Variants in DNAH11 observed in about 807,000 individuals in gnomAD.
DNAH11 encodes axonemal beta dynein heavy chain 11.
In DNAH11, 442 loss-of-function variants were observed where a neutral mutation model predicts 526.0. The observed-to-expected ratio is 0.84, with a 90% CI of 0.78 to 0.91. DNAH11 has a LOEUF of 0.91. Among genes scored for constraint, DNAH11 ranks in the 40% least tolerant of loss-of-function variants. The pLI is 0.00. For synonymous variants in DNAH11, 2,461 were observed against 1,935.9 expected, an observed-to-expected ratio of 1.27 and a Z score of -7.12; for missense variants, 6,989 against 5,448.7, an observed-to-expected ratio of 1.28 and a Z score of -8.90.
At chr7:21,691,167 ATTTTTTTTTTCTTTT>A (rs1783603204) in intron 35 of DNAH11, among the ~76,000 whole-genome samples, 2 of 121,862 alleles carry the variant, frequency 1.6e-5, no homozygotes, top group East Asian at 2.7e-4. Flanking sequence ...ATCTTTCATA[ATTTTTTTTTTCTTTT>A]TTTTTTTTTA....
rs1782655341 is a variant in DNAH11 at position 21,543,305 on chromosome 7, C to T, written c.60C>T (p.Arg20=). Residue 20 remains arginine, a synonymous_variant, in exon 1 of 82, where the codon CGC becomes CGT. Transcript: ENST00000409508. Reference sequence around the variant, plus strand: ...ACTTCAGAGAAGCCCCGACCCTTCGCCTAACCTCGGGGGCCGGCCTGGAGG... The same window carrying T: ...ACTTCAGAGAAGCCCCGACCCTTCGTCTAACCTCGGGGGCCGGCCTGGAGG... The part of the protein sequence containing the change: ...ARDFREAPTL[R]LTSGAGLEAV... 2 of 1,549,318 alleles carry T rather than the reference C, an allele frequency of 1.3e-6. No individual in the cohort carries two copies. The highest frequency in any genetic ancestry group is 1.7e-6 in the Non-Finnish European group (2 of 1,146,172).
intron 61 of DNAH11, among the ~76,000 whole-genome samples, chr7:21,790,390 CA>C (rs199719449): frequency 0.014 from 2,110 of 152,202 alleles, 38 homozygotes; most frequent in African/African-American, 0.043. Context: ...GTGGAGCTTG[CA>C]GTGAGCCAAG....
At chr7:21,801,357 CTAAA>C (rs1356718010) in intron 62 of DNAH11, 82 bp downstream of exon 62, 1 of 1,525,894 alleles carries the variant, frequency 6.6e-7, no homozygotes, top group East Asian at 2.3e-5. Flanking sequence ...TCAATAATAA[CTAAA>C]TAGACATGGA....
rs34356379 is a variant in DNAH11 at position 21,612,554 on chromosome 7, C to CAAAAAAAAAAAAAAAA, written c.3853-2553_3853-2538dup. ...TGGGCGACAGAGTGAGGCTCCGTCTCAAAAAAAAAAAAAAAAAAAAAAGAG... is the reference window on the plus strand; with the variant it reads ...TGGGCGACAGAGTGAGGCTCCGTCTCAAAAAAAAAAAAAAAAAAAAAAAAAAAAAAAAAAAAAAGAG... On this transcript the variant is annotated intron_variant, in intron 20 of 81. Coordinates refer to ENST00000409508, the MANE Select transcript of DNAH11 (RefSeq NM_001277115.2). 1.2e-3 allele frequency among the ~76,000 whole-genome samples: 101 copies of CAAAAAAAAAAAAAAAA among 81,218 alleles called. 1 individual carries two copies. The highest frequency in any genetic ancestry group is 7.2e-3 in the South Asian group (15 of 2,080). 53.3% of individuals were successfully genotyped at this position (81,218 alleles called of 152,430 possible). A position where few individuals can be genotyped will look rare whatever the true frequency, so the allele number is the denominator to read the frequency against.
chr7:21,688,791 A>C (rs1783492173), intron 34 of DNAH11, among the ~76,000 whole-genome samples: 1 of 151,788 alleles, frequency 6.6e-6, no homozygotes, highest in Non-Finnish European at 1.5e-5. Context: ...CCAAAAAGCA[A>C]AACACAGCTG....
At chr7:21,792,599 A>C (rs915431133) in intron 61 of DNAH11, among the ~76,000 whole-genome samples, 1 of 151,892 alleles carries the variant, frequency 6.6e-6, no homozygotes, top group Non-Finnish European at 1.5e-5. Flanking sequence ...CGGGTTTTCT[A>C]TTTCTTCATG....
intron 57 of DNAH11, among the ~76,000 whole-genome samples, chr7:21,780,020 ATTTTCT>A (rs1163259398): frequency 1.3e-5 from 1 of 78,684 alleles, no homozygotes; most frequent in Non-Finnish European, 2.8e-5. Context: ...AATTGAGTTG[ATTTTCT>A]TTTTTTTTTT....
chr7:21,628,563 C>T (rs1425057377), intron 25 of DNAH11, among the ~76,000 whole-genome samples: 1 of 152,074 alleles, frequency 6.6e-6, no homozygotes, highest in Middle Eastern at 3.4e-3. Context: ...GGTTTTTCTT[C>T]TTGGTTCTAT....
intron 2 of DNAH11, among the ~76,000 whole-genome samples, chr7:21,552,415 T>A (rs1783056753): frequency 6.6e-6 from 1 of 152,206 alleles, no homozygotes; most frequent in Non-Finnish European, 1.5e-5. Context: ...TTCCCAATAT[T>A]CTTTCCGGGT....
At chr7:21,721,507 C>T (rs999450407) in intron 44 of DNAH11, among the ~76,000 whole-genome samples, 2 of 152,180 alleles carry the variant, frequency 1.3e-5, no homozygotes, top group Non-Finnish European at 1.5e-5. Context: ...TTCTGGGGAC[C>T]AAAAGTCCAA....
intron 2 of DNAH11, among the ~76,000 whole-genome samples, chr7:21,548,884 C>CTT (rs201226653): frequency 0.026 from 3,724 of 145,618 alleles, 76 homozygotes; most frequent in Non-Finnish European, 0.042. Context: ...CAATGACAGA[C>CTT]TTTTTTTTTT....
intron 60 of DNAH11, 88 bp from the exon 61 acceptor site, chr7:21,789,153 A>G (rs1788321507): frequency 1.6e-5 from 15 of 963,294 alleles, no homozygotes; most frequent in Non-Finnish European, 2.2e-5. Context: ...TAGATGAATT[A>G]GAGATTTTAA....
At chr7:21,576,861 A>G (rs1337451803) in intron 8 of DNAH11, among the ~76,000 whole-genome samples, 1 of 152,200 alleles carries the variant, frequency 6.6e-6, no homozygotes, top group African/African-American at 2.4e-5. Context: ...ACTTTGGGGT[A>G]GTGGTTTTCT....
intron 63 of DNAH11, among the ~76,000 whole-genome samples, chr7:21,809,025 A>G (rs1789394560): frequency 6.6e-6 from 1 of 152,112 alleles, no homozygotes; most frequent in African/African-American, 2.4e-5. Context: ...CCTTTTCTCT[A>G]CATCCTCACC....
At chr7:21,827,654 T>A (rs1790364057) in intron 65 of DNAH11, among the ~76,000 whole-genome samples, 1 of 121,538 alleles carries the variant, frequency 8.2e-6, no homozygotes, top group African/African-American at 3.6e-5. Flanking sequence ...TTTAAAAAAT[T>A]TATTTTTACA....
At chr7:21,641,314 G>A (rs879816274) in intron 28 of DNAH11, among the ~76,000 whole-genome samples, 25 of 152,110 alleles carry the variant, frequency 1.6e-4, no homozygotes, top group South Asian at 4.1e-4. Flanking sequence ...TGGCCTCCCC[G>A]TCGTGGCTGA....
At chr7:21,552,140 G>A (rs754815919) in intron 2 of DNAH11, among the ~76,000 whole-genome samples, 1 of 152,118 alleles carries the variant, frequency 6.6e-6, no homozygotes, top group South Asian at 2.1e-4. Context: ...CCCAAGGGCC[G>A]CGCCCTGGTC....
At chr7:21,719,323 T>C (rs1320913102) in intron 43 of DNAH11, among the ~76,000 whole-genome samples, 1 of 152,258 alleles carries the variant, frequency 6.6e-6, no homozygotes, top group Non-Finnish European at 1.5e-5. Flanking sequence ...TTTTCCGATA[T>C]ATGACGCCTC....
intron 55 of DNAH11, among the ~76,000 whole-genome samples, chr7:21,767,338 G>T (rs540316587): frequency 9.7e-4 from 147 of 152,250 alleles, no homozygotes; most frequent in African/African-American, 3.3e-3. Flanking sequence ...GTTTAAGTTG[G>T]CATGTGGCAC....
Sources: gnomAD v4.1 joint callset for allele counts (sites outside exome capture counted in the v4.1 genomes callset) on GRCh38, gnomAD v4.1.1 for gene constraint, MANE v1.5 for transcripts, NCBI Gene and HGNC (gene_info 2026-07-23, HGNC 2026-07-21) for gene names.